The following GPC5 variants were observed in gnomAD, a reference collection of about 807,000 sequenced individuals.
GPC5 encodes glypican-5.
Under a neutral mutation model 53.9 loss-of-function variants are expected in GPC5, and 47 were observed. That is an observed-to-expected ratio of 0.87 (90% CI 0.69 to 1.11). The LOEUF (loss-of-function observed/expected upper bound fraction) is 1.11. Among genes scored for constraint, GPC5 ranks in the 50% most tolerant of loss-of-function variants. The probability of loss-of-function intolerance (pLI) is 0.00; values close to 1 mark genes in which losing one functional copy is unlikely to be tolerated. For synonymous variants in GPC5, 286 were observed against 263.3 expected (o/e 1.09, Z -0.84); for missense variants, 748 against 713.1 (o/e 1.05, Z -0.56).
intron 1 of GPC5, among the ~76,000 whole-genome samples, chr13:91,438,644 G>T (rs1363095048): frequency 3.3e-5 from 5 of 152,232 alleles, no homozygotes; most frequent in Non-Finnish European, 5.9e-5. Flanking sequence ...TCCATACTCA[G>T]ATCTCAAGCT....
chr13:92,320,147 G>T (rs2139221739), intron 7 of GPC5, among the ~76,000 whole-genome samples: 1 of 152,190 alleles, frequency 6.6e-6, no homozygotes, highest in Middle Eastern at 3.4e-3. Context: ...AGGATTAAAA[G>T]TACTGTCATT....
chr13:91,636,423 T>C (rs1160855473), intron 2 of GPC5, among the ~76,000 whole-genome samples: 2 of 151,926 alleles, frequency 1.3e-5, no homozygotes, highest in African/African-American at 4.8e-5. Flanking sequence ...TACACGTGTG[T>C]GCAGTGTGTG....
intron 4 of GPC5, among the ~76,000 whole-genome samples, chr13:91,751,170 C>T (rs1242394246): frequency 1.3e-5 from 2 of 152,138 alleles, no homozygotes; most frequent in African/African-American, 2.4e-5. Flanking sequence ...AGGATCTCCC[C>T]CCAAATTTCT....
chr13:92,324,063 A>T (rs998990046), intron 7 of GPC5, among the ~76,000 whole-genome samples: 1 of 151,930 alleles, frequency 6.6e-6, no homozygotes, highest in African/African-American at 2.4e-5. Flanking sequence ...TGTCAAGTGT[A>T]ACCTATGGAT....
intron 5 of GPC5, among the ~76,000 whole-genome samples, chr13:91,780,289 G>A (rs913871669): frequency 2.0e-5 from 3 of 152,022 alleles, no homozygotes; most frequent in Non-Finnish European, 2.9e-5. Flanking sequence ...CCTTCTCTTT[G>A]TCAGGAATGT....
In GPC5 at chr13:92,418,656, A is replaced by G. The variant is rs182823129; in HGVS notation, c.1561+273667A>G. Among the ~76,000 whole-genome samples, 554 of 152,306 alleles carry G rather than the reference A, an allele frequency of 3.6e-3. 4 individuals are homozygous for G. Among genetic ancestry groups the G allele is most frequent in the African/African-American group, 0.013 (521 of 41,568 alleles). On this transcript the variant is annotated intron_variant, in intron 7 of 7. Coordinates refer to ENST00000377067, the MANE Select transcript of GPC5 (RefSeq NM_004466.6). Reference sequence around the variant, plus strand: ...AAAATATTATCTTTAGCTTGATGGCATAGTGTTAAAGTTTAGATAAGACTA... The same window carrying G: ...AAAATATTATCTTTAGCTTGATGGCGTAGTGTTAAAGTTTAGATAAGACTA...
intron 6 of GPC5, among the ~76,000 whole-genome samples, chr13:92,140,051 A>G (rs2041818897): frequency 6.6e-6 from 1 of 152,234 alleles, no homozygotes; most frequent in African/African-American, 2.4e-5. Context: ...TAAACGATGC[A>G]GAGTTAAAAT....
chr13:92,852,415 G>A (rs1594550651), intron 7 of GPC5, among the ~76,000 whole-genome samples: 1 of 152,148 alleles, frequency 6.6e-6, no homozygotes, highest in South Asian at 2.1e-4. Context: ...AATCACTTAT[G>A]TCAAGCCTAA....
chr13:92,397,528 A>G (rs1007894468), intron 7 of GPC5, among the ~76,000 whole-genome samples: 1 of 152,218 alleles, frequency 6.6e-6, no homozygotes, highest in Admixed American at 6.5e-5. Flanking sequence ...GGACTAATAC[A>G]GTATGTTTCT....
chr13:91,787,417 AT>A (rs1351524184), intron 5 of GPC5, among the ~76,000 whole-genome samples: 1 of 152,162 alleles, frequency 6.6e-6, no homozygotes, highest in Non-Finnish European at 1.5e-5. Context: ...TGCTTTCTCT[AT>A]CTGAGGTGAT....
intron 5 of GPC5, among the ~76,000 whole-genome samples, chr13:91,785,601 T>A (rs2037865936): frequency 6.6e-6 from 1 of 152,254 alleles, no homozygotes. Flanking sequence ...GCTATAAATA[T>A]CTGAAACTTC....
intron 7 of GPC5, among the ~76,000 whole-genome samples, chr13:92,358,289 T>A (rs2043538926): frequency 6.6e-6 from 1 of 151,634 alleles, no homozygotes; most frequent in African/African-American, 2.4e-5. Flanking sequence ...AGGGGTGGGC[T>A]CCCAAGTTTT....
At chr13:91,908,931 A>G (rs1236071517) in intron 6 of GPC5, among the ~76,000 whole-genome samples, 1 of 152,172 alleles carries the variant, frequency 6.6e-6, no homozygotes, top group African/African-American at 2.4e-5. Context: ...AACATATTCA[A>G]GAGTCAGTAG....
chr13:92,536,758 G>C (rs913772338), intron 7 of GPC5, among the ~76,000 whole-genome samples: 1 of 151,440 alleles, frequency 6.6e-6, no homozygotes, highest in Admixed American at 6.6e-5. Flanking sequence ...AAAGTCTTTT[G>C]GTATAAATTT....
intron 7 of GPC5, among the ~76,000 whole-genome samples, chr13:92,730,535 AT>A (rs1261308984): frequency 6.6e-6 from 1 of 151,066 alleles, no homozygotes; most frequent in African/African-American, 2.4e-5. Flanking sequence ...TAGGTCTGTG[AT>A]CCATTTTGAA....
At chr13:91,583,872 C>T (rs930186468) in intron 2 of GPC5, among the ~76,000 whole-genome samples, 5 of 152,068 alleles carry the variant, frequency 3.3e-5, no homozygotes, top group South Asian at 2.1e-4. Context: ...AAGCTTAAAA[C>T]GTAGAAATTA....
chr13:92,382,213 G>C (rs577357281), intron 7 of GPC5, among the ~76,000 whole-genome samples: 3 of 151,926 alleles, frequency 2.0e-5, no homozygotes, highest in African/African-American at 4.8e-5. Context: ...TGGGGACTTG[G>C]GGGGAAGAGT....
chr13:91,696,826 A>G lies in GPC5; in HGVS notation c.1020+2945A>G, dbSNP rs192399386. On this transcript the variant is annotated intron_variant, in intron 3 of 7. Coordinates refer to ENST00000377067, the MANE Select transcript of GPC5 (RefSeq NM_004466.6). Reference sequence around the variant, plus strand: ...ATTTTTTAAATTTCATAATTCTGTGATTTTATTAAGACAAAGTTTGATTTA... The same window carrying G: ...ATTTTTTAAATTTCATAATTCTGTGGTTTTATTAAGACAAAGTTTGATTTA... Among the ~76,000 whole-genome samples the G allele has an allele frequency of 2.1e-3, 320 of 152,358 alleles. 2 individuals carry two copies. Among genetic ancestry groups the G allele is most frequent in the African/African-American group, 7.4e-3 (307 of 41,588 alleles).
intron 7 of GPC5, among the ~76,000 whole-genome samples, chr13:92,428,617 A>T (rs913272385): frequency 5.3e-5 from 8 of 152,140 alleles, no homozygotes; most frequent in Non-Finnish European, 1.0e-4. Context: ...TCCAATGATC[A>T]GTTGGTAACA....
Sources: allele counts gnomAD v4.1 joint callset (sites outside exome capture counted in the v4.1 genomes callset), GRCh38; gene constraint gnomAD v4.1.1; transcripts MANE v1.5; gene names NCBI Gene and HGNC (gene_info 2026-07-23, HGNC 2026-07-21).